The following PDPR variants were observed in gnomAD, a reference collection of about 807,000 sequenced individuals.
The protein encoded by PDPR is pyruvate dehydrogenase phosphatase regulatory subunit, mitochondrial.
In PDPR, 50 loss-of-function variants were observed where a neutral mutation model predicts 102.2. That is an observed-to-expected ratio of 0.49 (90% CI 0.39 to 0.62). The LOEUF (loss-of-function observed/expected upper bound fraction) is 0.62, where lower values mean the gene tolerates loss of function less well. PDPR is among the 20% of genes least tolerant of loss of function. The pLI is 0.00. For missense variants in PDPR, 625 were observed against 1,098.2 expected, an observed-to-expected ratio of 0.57 and a Z score of 6.09; for synonymous variants, 259 against 406.0, an observed-to-expected ratio of 0.64 and a Z score of 4.35.
intron 18 of PDPR, chr16:70,156,210 A>G: frequency 1.9e-6 from 1 of 515,924 alleles, no homozygotes; most frequent in African/African-American, 1.9e-5. Context: ...TTTTTGTTCT[A>G]TCTGGTCTTG....
At chr16:70,115,191 T>G (rs1415092946) in intron 2 of PDPR, among the ~76,000 whole-genome samples, 1 of 152,072 alleles carries the variant, frequency 6.6e-6, no homozygotes, top group Admixed American at 6.6e-5. Flanking sequence ...TGGCGCGATC[T>G]CGGCTCACTG....
At chr16:70,124,240 G>A (rs1334257542) in intron 3 of PDPR, among the ~76,000 whole-genome samples, 2 of 152,168 alleles carry the variant, frequency 1.3e-5, no homozygotes, top group Non-Finnish European at 2.9e-5. Context: ...GCATAAGCCT[G>A]TAATTGTAGC....
intron 17 of PDPR, among the ~76,000 whole-genome samples, chr16:70,152,711 A>G (rs533631315): frequency 6.6e-3 from 1,003 of 151,914 alleles, no homozygotes; most frequent in Non-Finnish European, 0.011. Flanking sequence ...GTGTAGTCTC[A>G]TTTTTGTTGG....
In PDPR at chr16:70,160,714, C is replaced by G. The variant is rs1336300380; in HGVS notation, c.*3835C>G. On this transcript the variant is annotated 3_prime_UTR_variant, in exon 19 of 19. Transcript: ENST00000288050. ...TAACTAAAACATGAAAAGTAAACCT[C>G]CAGCTTCCACAGTATATTACCTGCC... 1 of 152,472 alleles carries G rather than the reference C, an allele frequency of 6.6e-6. No homozygotes were observed. Among genetic ancestry groups the G allele is most frequent in the Non-Finnish European group, 1.5e-5 (1 of 68,206 alleles). The allele number at this position is 152,472 out of a possible 1,614,324, so 9.4% of individuals were successfully genotyped here. A position where few individuals can be genotyped will look rare whatever the true frequency, so the allele number is the denominator to read the frequency against.
rs755688526 is a variant in PDPR at position 70,156,602 on chromosome 16, C to T, written c.2363C>T (p.Pro788Leu). The change falls in exon 19 of 19, where the codon CCC (proline) becomes CTC (leucine). Residue 788 changes from proline to leucine, a missense_variant. Physicochemically the swap from Pro to Leu is moderately conservative, Grantham distance 98. Around this residue, in one of 11 missense-constraint regions of PDPR, gnomAD observed 303 missense variants for 258.9 expected, o/e 1.17. Coordinates refer to ENST00000288050, the MANE Select transcript of PDPR (RefSeq NM_017990.5). ...DLDLWPWWGE[P>L]IYRNGQYVGK... The stretch of plus-strand genomic sequence containing the variant: ...GACCTTTGGCCTTGGTGGGGAGAGC[C>T]CATTTACCGGAATGGGCAGTATGTT... 5 of 1,613,968 alleles carry T rather than the reference C, an allele frequency of 3.1e-6. No individual in the cohort carries two copies. In the African/African-American group the frequency reaches 6.7e-5, roughly 22 times the overall value.
At chr16:70,154,097 A>G (rs1264741765) in intron 18 of PDPR, among the ~76,000 whole-genome samples, 1 of 152,268 alleles carries the variant, frequency 6.6e-6, no homozygotes, top group Non-Finnish European at 1.5e-5. Flanking sequence ...CAGAGGTTGC[A>G]GTGAGCCGAG....
intron 9 of PDPR, among the ~76,000 whole-genome samples, chr16:70,133,436 A>G (rs1273418238): frequency 2.9e-4 from 3 of 10,428 alleles, no homozygotes; most frequent in African/African-American, 1.4e-3. Context: ...TTTTTTTTTG[A>G]GATAAGAGTC....
chr16:70,118,053 G>A (rs1282880173), intron 2 of PDPR, among the ~76,000 whole-genome samples: 9 of 150,204 alleles, frequency 6.0e-5, no homozygotes, highest in Admixed American at 2.7e-4. Context: ...AGATCACACC[G>A]CTGCACTCCC....
In PDPR at chr16:70,156,102, A is replaced by C. The variant is rs528628568; in HGVS notation, c.2236-373A>C. On this transcript the variant is annotated intron_variant, in intron 18 of 18. Coordinates refer to ENST00000288050, the MANE Select transcript of PDPR (RefSeq NM_017990.5). ...ATGAGGTTTGCCTCATCTCTGTTCA[A>C]GGCGTGAGCCACCACGACTGGCCAA... Among the ~76,000 whole-genome samples the C allele has an allele frequency of 1.7e-4, 26 of 152,384 alleles. No individual in the cohort carries two copies. In the South Asian group the frequency reaches 5.2e-3, roughly 30 times the overall value.
intron 9 of PDPR, among the ~76,000 whole-genome samples, chr16:70,133,683 G>A (rs1378377665): frequency 6.6e-6 from 1 of 152,148 alleles, no homozygotes; most frequent in Non-Finnish European, 1.5e-5. Context: ...CTCCCAAAGT[G>A]CTGGGAGTAA....
intron 17 of PDPR, among the ~76,000 whole-genome samples, chr16:70,151,836 G>T (rs1267933015): frequency 6.6e-6 from 1 of 152,216 alleles, no homozygotes; most frequent in Non-Finnish European, 1.5e-5. Context: ...AAACATGGGG[G>T]CAGATGGCAG....
intron 2 of PDPR, chr16:70,120,122 G>A (rs111512416): frequency 1.6e-4 from 36 of 230,464 alleles, no homozygotes; most frequent in African/African-American, 7.3e-4. Flanking sequence ...TCACCATGTT[G>A]GTAAGACTGG....
At chr16:70,130,740 C>G (rs1964459634) in intron 7 of PDPR, among the ~76,000 whole-genome samples, 196 bp downstream of exon 7, 1 of 152,280 alleles carries the variant, frequency 6.6e-6, no homozygotes, top group Non-Finnish European at 1.5e-5. Flanking sequence ...TTCCTCCACA[C>G]TGGGTTGATG....
chr16:70,119,222 A>T (rs1425610499), intron 2 of PDPR, among the ~76,000 whole-genome samples: 4 of 152,040 alleles, frequency 2.6e-5, no homozygotes, highest in Non-Finnish European at 5.9e-5. Flanking sequence ...ACACTTTGGG[A>T]GACCAAGGTG....
chr16:70,131,330 A>T lies in PDPR; in HGVS notation c.758A>T (p.Glu253Val). 2 of 1,531,198 alleles carry T rather than the reference A, an allele frequency of 1.3e-6. No homozygotes were observed. Among genetic ancestry groups the T allele is most frequent in the East Asian group, 2.4e-5 (1 of 41,756 alleles). 94.9% of individuals were successfully genotyped at this position (1,531,198 alleles called of 1,614,324 possible). The change falls in exon 8 of 19, where the codon GAG becomes GTG. Residue 253 changes from glutamate to valine, a missense_variant. Transcript: ENST00000288050. The stretch of plus-strand genomic sequence containing the variant: ...GCATACGAGCTGGGTCTGTCCAACG[A>T]GGAGCCGGTTAGTATCCCGCTACAT... ...QWAYELGLSN[E>V]EPVSIPLHAC...
rs146136967 is a variant in PDPR, at chr16:70,137,694, G to A, written c.1191-1205G>A. The stretch of plus-strand genomic sequence containing the variant: ...AGTTTATTTTAAATTTATGAGACCA[G>A]TTCTCTTGAGTGATTTGTAGAATGG... On this transcript the variant is annotated intron_variant, in intron 10 of 18. Transcript: ENST00000288050. 1.2e-4 allele frequency among the ~76,000 whole-genome samples: 19 copies of A among 152,382 alleles called. No individual in the cohort carries two copies. In the East Asian group the frequency reaches 3.3e-3, roughly 26 times the overall value.
rs200780384 is a variant in PDPR, at chr16:70,139,347, C to T, written c.1315+324C>T. 1.3e-3 allele frequency among the ~76,000 whole-genome samples: 203 copies of T among 152,248 alleles called. 1 individual carries two copies. In the East Asian group the frequency reaches 0.024, roughly 18 times the overall value. The stretch of plus-strand genomic sequence containing the variant: ...CCTTGAGAGACCGTATGTCGAAGTG[C>T]GTGCTTTCTGCAGTCTGCCTTGAGA... On this transcript the variant is annotated intron_variant, in intron 11 of 18. Coordinates refer to ENST00000288050, the MANE Select transcript of PDPR (RefSeq NM_017990.5).
intron 11 of PDPR, among the ~76,000 whole-genome samples, chr16:70,141,808 C>T (rs1445667786): frequency 1.3e-5 from 2 of 152,264 alleles, no homozygotes; most frequent in East Asian, 3.8e-4. Flanking sequence ...CTACATTAGC[C>T]TGGAAATTGG....
chr16:70,125,399 C>G (rs8054136), intron 3 of PDPR, among the ~76,000 whole-genome samples: 1 of 60,198 alleles, frequency 1.7e-5, no homozygotes, highest in African/African-American at 7.6e-5. Context: ...AACAAAAAAA[C>G]AAAAATTAGC....
Sources: gnomAD v4.1 joint callset for allele counts (sites outside exome capture counted in the v4.1 genomes callset) on GRCh38, gnomAD v4.1.1 for gene constraint, gnomAD v4.1.1 regional missense constraint, MANE v1.5 for transcripts, NCBI Gene and HGNC (gene_info 2026-07-23, HGNC 2026-07-21) for gene names.